Variants in DOCK1 observed in about 807,000 individuals in gnomAD.
DOCK1 encodes dedicator of cytokinesis 1.
DOCK1 carries 138 observed loss-of-function variants against 262.7 expected under a neutral mutation model. That is an observed-to-expected ratio of 0.53 (90% CI 0.46 to 0.61). The LOEUF (loss-of-function observed/expected upper bound fraction) is 0.61. DOCK1 is among the 20% of genes least tolerant of loss of function. The pLI is 0.00. For synonymous variants in DOCK1, 866 were observed against 867.4 expected, an observed-to-expected ratio of 1.00 and a Z score of 0.03; for missense variants, 1,908 against 2,370.7, an observed-to-expected ratio of 0.80 and a Z score of 4.05.
chr10:126,980,997 G>C (rs976812330), intron 3 of DOCK1, among the ~76,000 whole-genome samples: 2 of 150,946 alleles, frequency 1.3e-5, no homozygotes, highest in African/African-American at 4.9e-5. Flanking sequence ...GCCCAGGCTG[G>C]AGCGCAGTGG....
At chr10:127,406,659 T>C (rs1006832420) in intron 40 of DOCK1, among the ~76,000 whole-genome samples, 2 of 152,234 alleles carry the variant, frequency 1.3e-5, no homozygotes, top group African/African-American at 4.8e-5. Context: ...TCACTGTTTT[T>C]TGTGCTCATG....
At chr10:127,383,330 C>T (rs2065922056) in intron 37 of DOCK1, among the ~76,000 whole-genome samples, 1 of 152,158 alleles carries the variant, frequency 6.6e-6, no homozygotes, top group African/African-American at 2.4e-5. Context: ...GCAAGGAAGT[C>T]ATTTGGATTC....
intron 43 of DOCK1, among the ~76,000 whole-genome samples, chr10:127,411,164 A>C (rs182109869): frequency 2.0e-4 from 31 of 152,290 alleles, no homozygotes; most frequent in Admixed American, 1.2e-3. Flanking sequence ...GTGCCGTCCA[A>C]ATGCCGGAGC....
chr10:127,301,798 T>C (rs2061687505), intron 29 of DOCK1, among the ~76,000 whole-genome samples: 1 of 151,848 alleles, frequency 6.6e-6, no homozygotes, highest in Non-Finnish European at 1.5e-5. Flanking sequence ...GTAGAAAAAT[T>C]AGCTGGGCAT....
At chr10:127,286,494 A>G (rs533118688) in intron 29 of DOCK1, among the ~76,000 whole-genome samples, 31 of 152,308 alleles carry the variant, frequency 2.0e-4, no homozygotes, top group Non-Finnish European at 4.0e-4. Context: ...AATAGTAGTT[A>G]TACTATTACT....
chr10:127,149,269 G>T (rs1462546331), intron 27 of DOCK1, among the ~76,000 whole-genome samples: 2 of 152,056 alleles, frequency 1.3e-5, no homozygotes, highest in African/African-American at 4.8e-5. Flanking sequence ...CAAGAGAGAG[G>T]GCAGAGAAGC....
rs751285414 is a variant in DOCK1, at chr10:127,374,092, G to A, written c.3553G>A (p.Ala1185Thr). 10 of 1,612,878 alleles carry A rather than the reference G, an allele frequency of 6.2e-6. No homozygotes were observed. Among genetic ancestry groups the A allele is most frequent in the Non-Finnish European group, 8.5e-6 (10 of 1,179,396 alleles). Residue 1185 changes from alanine to threonine, a missense_variant, in exon 35 of 52, where the codon GCC (alanine) becomes ACC (threonine). Ala to Thr is a moderately conservative substitution (Grantham distance 58, BLOSUM62 0). This residue lies in a region of DOCK1 where 518 missense variants were observed against 575.1 expected (regional missense o/e 0.90). Transcript: ENST00000623213. ...LEHCRKHKYL[A>T]KTGETFVKLV... ...ACACTGCAGGAAGCACAAATACCTCGCCAAAACAGGAGAAACTTTTGTAAA... is the reference window on the plus strand; with the variant it reads ...ACACTGCAGGAAGCACAAATACCTCACCAAAACAGGAGAAACTTTTGTAAA...
At position 127,383,698 on chromosome 10, in the gene DOCK1, G is replaced by A. The variant is rs76301557; in HGVS notation, c.3808-1092G>A. On this transcript the variant is annotated intron_variant, in intron 37 of 51. Transcript: ENST00000623213. ...TAAGCAGCTGACGGAGCCTTGCCCC[G>A]TTGCCCGGACCCCAGCTTCCCACTT... Among the ~76,000 whole-genome samples the A allele has an allele frequency of 6.9e-3, 1,056 of 152,250 alleles. 13 individuals are homozygous for A. Among genetic ancestry groups the A allele is most frequent in the African/African-American group, 0.024 (997 of 41,562 alleles).
At chr10:127,283,547 G>A (rs759569171) in intron 29 of DOCK1, among the ~76,000 whole-genome samples, 1 of 152,214 alleles carries the variant, frequency 6.6e-6, no homozygotes, top group Non-Finnish European at 1.5e-5. Flanking sequence ...AGAGCACAAT[G>A]TAATCCTATT....
intron 21 of DOCK1, among the ~76,000 whole-genome samples, chr10:127,047,114 C>A (rs2135690168): frequency 6.6e-6 from 1 of 152,276 alleles, no homozygotes; most frequent in East Asian, 1.9e-4. Context: ...CAGCTCAGTA[C>A]ATTAAAAAAT....
intron 25 of DOCK1, among the ~76,000 whole-genome samples, chr10:127,123,863 C>A (rs1005747723): frequency 1.3e-5 from 2 of 152,194 alleles, no homozygotes; most frequent in Non-Finnish European, 2.9e-5. Context: ...AGAAGATGTG[C>A]AGCTCTTAGC....
chr10:126,957,315 GC>G (rs2036825638), intron 1 of DOCK1, among the ~76,000 whole-genome samples: 1 of 152,106 alleles, frequency 6.6e-6, no homozygotes, highest in Non-Finnish European at 1.5e-5. Context: ...CACCCTTCAG[GC>G]TTGGGGACGG....
intron 1 of DOCK1, among the ~76,000 whole-genome samples, chr10:126,964,862 C>G (rs1423505139): frequency 2.0e-5 from 3 of 152,196 alleles, no homozygotes; most frequent in African/African-American, 7.2e-5. Flanking sequence ...TAAGTCTCAG[C>G]CTCTGTATCT....
intron 21 of DOCK1, 120 bp downstream of exon 21, chr10:127,043,284 T>G (rs2044139177): frequency 2.6e-6 from 2 of 768,748 alleles, no homozygotes; most frequent in South Asian, 1.7e-5. Context: ...AACTCTGAGT[T>G]TACTGGAATA....
intron 45 of DOCK1, among the ~76,000 whole-genome samples, chr10:127,419,358 G>A (rs2068359684): frequency 6.6e-6 from 1 of 152,216 alleles, no homozygotes; most frequent in Non-Finnish European, 1.5e-5. Flanking sequence ...ATGGGCGTGT[G>A]AGTAGCTGGG....
chr10:127,047,247 G>A lies in DOCK1; in HGVS notation c.2201+4083G>A, dbSNP rs1236012642. On this transcript the variant is annotated intron_variant, in intron 21 of 51. Transcript: ENST00000623213. Reference sequence around the variant, plus strand: ...TAATGGTTGAAAGTGTAGAAGTGTGGATAGAATTAAAAATGGCAGATCCTC... The same window carrying A: ...TAATGGTTGAAAGTGTAGAAGTGTGAATAGAATTAAAAATGGCAGATCCTC... Among the ~76,000 whole-genome samples the A allele has an allele frequency of 7.9e-5, 12 of 152,266 alleles. No homozygotes were observed. In the East Asian group the frequency reaches 2.3e-3, roughly 29 times the overall value.
At chr10:127,339,896 A>G (rs2063359202) in intron 30 of DOCK1, among the ~76,000 whole-genome samples, 2 of 152,176 alleles carry the variant, frequency 1.3e-5, no homozygotes, top group South Asian at 4.1e-4. Flanking sequence ...AAATTTTTGA[A>G]AAGCATGCAG....
At chr10:127,209,926 A>G (rs2057899950) in intron 27 of DOCK1, among the ~76,000 whole-genome samples, 1 of 152,170 alleles carries the variant, frequency 6.6e-6, no homozygotes, top group African/African-American at 2.4e-5. Context: ...ACCTCATTTT[A>G]ATTTTATTCA....
intron 28 of DOCK1, among the ~76,000 whole-genome samples, chr10:127,256,272 C>G (rs1256790412): frequency 6.6e-6 from 1 of 152,184 alleles, no homozygotes; most frequent in African/African-American, 2.4e-5. Flanking sequence ...TAACTTGTGC[C>G]TCTTTGCAGG....
Sources: gnomAD v4.1 joint callset for allele counts (sites outside exome capture counted in the v4.1 genomes callset) on GRCh38, gnomAD v4.1.1 for gene constraint, gnomAD v4.1.1 regional missense constraint, MANE v1.5 for transcripts, NCBI Gene and HGNC (gene_info 2026-07-23, HGNC 2026-07-21) for gene names.